TMEM135: variants seen among roughly 807,000 people sequenced by gnomAD.
The protein encoded by TMEM135 is transmembrane protein 135, also known as peroxisomal membrane protein 52.
TMEM135 carries 30 observed loss-of-function variants against 60.3 expected under a neutral mutation model. The ratio of observed to expected loss-of-function variants is 0.50; its 90% CI spans 0.37 to 0.68. The LOEUF is 0.68. Among genes scored for constraint, TMEM135 ranks in the 30% least tolerant of loss-of-function variants. The probability of loss-of-function intolerance (pLI) is 0.00; values close to 1 mark genes in which losing one functional copy is unlikely to be tolerated. For missense variants in TMEM135, 468 were observed against 548.8 expected, an observed-to-expected ratio of 0.85 and a Z score of 1.47; for synonymous variants, 190 against 186.7, an observed-to-expected ratio of 1.02 and a Z score of -0.14.
chr11:87,186,797 T>A (rs1273308176), intron 5 of TMEM135, among the ~76,000 whole-genome samples: 1 of 152,162 alleles, frequency 6.6e-6, no homozygotes, highest in Non-Finnish European at 1.5e-5. Flanking sequence ...GTCACCTGAT[T>A]TATGGCCTAA....
Position 87,325,794 on chromosome 11 carries a change from C to G in TMEM135, c.*4461C>G, listed in dbSNP as rs1263787420. On this transcript the variant is annotated 3_prime_UTR_variant, in exon 15 of 15. Coordinates refer to ENST00000305494, the MANE Select transcript of TMEM135 (RefSeq NM_022918.4). ...AGGAGATGTTTCTCTGTATGTGAAG[C>G]CTTTAAATCCAGAACAATTAATTTC... 2.2e-6 allele frequency: 1 copy of G among 453,708 alleles called. No homozygotes were observed. The highest frequency in any genetic ancestry group is 2.0e-5 in the African/African-American group (1 of 49,910). The allele number at this position is 453,708 out of a possible 1,614,324, so 28.1% of individuals were successfully genotyped here.
At chr11:87,199,555 G>C (rs1270617878) in intron 5 of TMEM135, among the ~76,000 whole-genome samples, 2 of 152,168 alleles carry the variant, frequency 1.3e-5, no homozygotes, top group Admixed American at 1.3e-4. Flanking sequence ...TAGGGGATGA[G>C]GTAGATACAT....
At chr11:87,256,740 A>G (rs1941535180) in intron 6 of TMEM135, among the ~76,000 whole-genome samples, 1 of 152,160 alleles carries the variant, frequency 6.6e-6, no homozygotes, top group South Asian at 2.1e-4. Flanking sequence ...ATTATCACCC[A>G]TAATCTCTTC....
rs1486272467 is a variant in TMEM135 at position 87,163,765 on chromosome 11, G to C, written c.462+6359G>C. Among the ~76,000 whole-genome samples, 11 of 145,686 alleles carry C rather than the reference G, an allele frequency of 7.6e-5. 1 individual carries two copies. The East Asian group carries it at 2.4e-3, about 32-fold the overall frequency. On this transcript the variant is annotated intron_variant, in intron 5 of 14. Coordinates refer to ENST00000305494, the MANE Select transcript of TMEM135 (RefSeq NM_022918.4). ...TGAGATGGTATCTCACTGTGGTTTTGATTTGCATTTCTCTGATGGCCAGTG... is the reference window on the plus strand; with the variant it reads ...TGAGATGGTATCTCACTGTGGTTTTCATTTGCATTTCTCTGATGGCCAGTG...
At chr11:87,075,974 T>C (rs1372755945) in intron 3 of TMEM135, among the ~76,000 whole-genome samples, 1 of 152,190 alleles carries the variant, frequency 6.6e-6, no homozygotes, top group African/African-American at 2.4e-5. Flanking sequence ...TCCCTGGGAC[T>C]GCGCTGGGTC....
Position 87,327,163 on chromosome 11 carries a change from C to T in TMEM135, c.*5830C>T. 1 of 453,970 alleles carries T rather than the reference C, an allele frequency of 2.2e-6. No individual in the cohort carries two copies. The highest frequency in any genetic ancestry group is 4.4e-6 in the Non-Finnish European group (1 of 226,780). The allele number at this position is 453,970 out of a possible 1,614,324, so 28.1% of individuals were successfully genotyped here. The stretch of plus-strand genomic sequence containing the variant: ...CCTTTACTCGGAGGTGTTCATGTGA[C>T]CCTGTTTTGGCCAATAAAATGTAAT... On this transcript the variant is annotated 3_prime_UTR_variant, in exon 15 of 15. Coordinates refer to ENST00000305494, the MANE Select transcript of TMEM135 (RefSeq NM_022918.4).
At chr11:87,206,728 A>G (rs764780967) in intron 5 of TMEM135, among the ~76,000 whole-genome samples, 7 of 152,340 alleles carry the variant, frequency 4.6e-5, no homozygotes, top group African/African-American at 1.4e-4. Flanking sequence ...TTTTGACAGG[A>G]TACTAATAGC....
At chr11:87,078,898 A>G (rs886754303) in intron 3 of TMEM135, among the ~76,000 whole-genome samples, 1 of 152,132 alleles carries the variant, frequency 6.6e-6, no homozygotes, top group Non-Finnish European at 1.5e-5. Context: ...CTGGGATTAC[A>G]GGCGTGAGCC....
chr11:87,091,335 A>G (rs773436830), intron 3 of TMEM135, 27 bp from the exon 4 acceptor site: 1 of 1,602,360 alleles, frequency 6.2e-7, no homozygotes, highest in Non-Finnish European at 8.5e-7. Context: ...TTGAAGTTTA[A>G]TATCTTCCTT....
chr11:87,212,798 G>A (rs1387986770), intron 5 of TMEM135, among the ~76,000 whole-genome samples: 3 of 148,730 alleles, frequency 2.0e-5, no homozygotes, highest in Non-Finnish European at 4.4e-5. Context: ...ACTGCAACAT[G>A]GGTGACAGAG....
chr11:87,319,322 G>T lies in TMEM135; in HGVS notation c.1189G>T (p.Val397Phe), dbSNP rs1416661392. 1 of 1,613,070 alleles carries T rather than the reference G, an allele frequency of 6.2e-7. No homozygotes were observed. The highest frequency in any genetic ancestry group is 8.5e-7 in the Non-Finnish European group (1 of 1,179,210). ...ATTTAATACTCAGGCTGTCATGGAA[G>T]TTCAGACTTTGAGACCATCTTACTG... ...AICFQAAVME[V>F]QTLRPSYWKF... The change falls in exon 14 of 15, where the codon GTT (valine) becomes TTT (phenylalanine). Residue 397 changes from valine to phenylalanine, a missense_variant. By Grantham distance (50) the Val-to-Phe change is conservative. Transcript: ENST00000305494.
chr11:87,233,847 G>A (rs1940939227), intron 5 of TMEM135, among the ~76,000 whole-genome samples: 2 of 152,012 alleles, frequency 1.3e-5, no homozygotes, highest in Non-Finnish European at 2.9e-5. Flanking sequence ...GAAAAAATAT[G>A]ATGGTTTGTT....
intron 1 of TMEM135, among the ~76,000 whole-genome samples, chr11:87,053,132 G>A (rs1949854676): frequency 8.5e-6 from 1 of 118,218 alleles, no homozygotes; most frequent in Non-Finnish European, 1.6e-5. Context: ...CATGGACACA[G>A]GAAGGGGAAT....
At chr11:87,072,205 C>G (rs1463308778) in intron 3 of TMEM135, among the ~76,000 whole-genome samples, 1 of 151,970 alleles carries the variant, frequency 6.6e-6, no homozygotes, top group African/African-American at 2.4e-5. Flanking sequence ...AAAAAACAAG[C>G]AAATAAACAA....
rs1475935473 is a variant in TMEM135, at chr11:87,222,453, C to T, written c.463-14185C>T. On this transcript the variant is annotated intron_variant, in intron 5 of 14. Coordinates refer to ENST00000305494, the MANE Select transcript of TMEM135 (RefSeq NM_022918.4). The stretch of plus-strand genomic sequence containing the variant: ...GGCTGAGCTTGCAGTGAGCCGAGAT[C>T]GCACCACTGCACTCCAGCCTGTGTG... 5.6e-4 allele frequency among the ~76,000 whole-genome samples: 80 copies of T among 143,746 alleles called. 1 individual carries two copies. Among genetic ancestry groups the T allele is most frequent in the African/African-American group, 2.0e-3 (78 of 38,404 alleles). 94.3% of individuals were successfully genotyped at this position (143,746 alleles called of 152,430 possible). A position where few individuals can be genotyped will look rare whatever the true frequency, so the allele number is the denominator to read the frequency against.
At chr11:87,275,779 G>C (rs1941955729) in intron 6 of TMEM135, among the ~76,000 whole-genome samples, 1 of 152,022 alleles carries the variant, frequency 6.6e-6, no homozygotes, top group Non-Finnish European at 1.5e-5. Context: ...TCCTGCCTCA[G>C]CTCCTCAGTA....
intron 4 of TMEM135, among the ~76,000 whole-genome samples, chr11:87,132,241 A>G (rs1481023513): frequency 6.6e-6 from 1 of 152,162 alleles, no homozygotes; most frequent in Non-Finnish European, 1.5e-5. Flanking sequence ...ATCTTCCATG[A>G]AACCAGTCCC....
chr11:87,298,741 C>G (rs1942390522), intron 7 of TMEM135, among the ~76,000 whole-genome samples: 1 of 135,490 alleles, frequency 7.4e-6, no homozygotes, highest in Non-Finnish European at 1.5e-5. Context: ...GAGCTTTGAT[C>G]ATGCCACTGC....
At chr11:87,242,710 T>C (rs1193887244) in intron 6 of TMEM135, among the ~76,000 whole-genome samples, 3 of 143,080 alleles carry the variant, frequency 2.1e-5, no homozygotes, top group African/African-American at 5.2e-5. Flanking sequence ...TTTGTTTTTT[T>C]CTTGTAAATT....
Sources: allele counts gnomAD v4.1 joint callset (sites outside exome capture counted in the v4.1 genomes callset), GRCh38; gene constraint gnomAD v4.1.1; transcripts MANE v1.5; gene names NCBI Gene and HGNC (gene_info 2026-07-23, HGNC 2026-07-21).